Variants in ELL3 observed in about 807,000 individuals in gnomAD.
ELL3 encodes the protein RNA polymerase II elongation factor ELL3.
In ELL3, 48 loss-of-function variants were observed where a neutral mutation model predicts 58.5. The observed-to-expected ratio is 0.82, with a 90% CI of 0.65 to 1.04. ELL3 has a LOEUF of 1.04. Ranked by LOEUF, ELL3 falls within the 50% of genes least tolerant of loss-of-function variation. The pLI is 0.00. For synonymous variants in ELL3, 174 were observed against 173.2 expected, an observed-to-expected ratio of 1.00 and a Z score of -0.04; for missense variants, 458 against 478.4, an observed-to-expected ratio of 0.96 and a Z score of 0.40.
rs775033636 is a variant in ELL3, at chr15:43,776,858, C to T, written c.44G>A (p.Cys15Tyr). 6.2e-7 allele frequency: 1 copy of T among 1,611,946 alleles called. No homozygotes were observed. Among genetic ancestry groups the T allele is most frequent in the Non-Finnish European group, 8.5e-7 (1 of 1,179,614 alleles). The change falls in exon 1 of 11, where the codon TGC becomes TAC. Residue 15 changes from cysteine (C) to tyrosine (Y), a missense_variant. Transcript: ENST00000319359. The part of the protein sequence containing the change: ...QEPLRGQLRL[C>Y]FTQAARTSLL... Reference sequence around the variant, plus strand: ...GCTAGTCCGGGCAGCTTGCGTGAAGCAGAGCCGGAGCTGTCCTCTCAGAGG... The same window carrying T: ...GCTAGTCCGGGCAGCTTGCGTGAAGTAGAGCCGGAGCTGTCCTCTCAGAGG...
In ELL3 at chr15:43,773,018, A is replaced by G. The variant is rs1331531544; in HGVS notation, c.*98T>C. The G allele has an allele frequency of 8.6e-7, 1 of 1,159,920 alleles. No homozygotes were observed. The highest frequency in any genetic ancestry group is 2.3e-5 in the Admixed American group (1 of 42,984). The allele number at this position is 1,159,920 out of a possible 1,614,324, so 71.9% of individuals were successfully genotyped here. A position where few individuals can be genotyped will look rare whatever the true frequency, so the allele number is the denominator to read the frequency against. On this transcript the variant is annotated 3_prime_UTR_variant, in exon 11 of 11. Transcript: ENST00000319359. ...CTTGCCACCATGGACTCCAGTGGTC[A>G]GCATAAGAAAAGCAGATAGTTGCAT... is the stretch of plus-strand genomic sequence containing the variant.
At position 43,775,314 on chromosome 15, in the gene ELL3, G is replaced by A; in HGVS notation, c.637C>T (p.Leu213=). The A allele has an allele frequency of 6.2e-7, 1 of 1,611,946 alleles. No individual in the cohort carries two copies. The highest frequency in any genetic ancestry group is 8.5e-7 in the Non-Finnish European group (1 of 1,178,508). ...TTGCCATTCTAACTTACCTTGTCCA[G>A]ACGTTTCCGGCTGGCAGAGGAAGGC... ...ALPSSASRKR[L]DKKRSVPVAT... is the part of the protein sequence containing the mutation. The change falls in exon 6 of 11, where the codon CTG becomes TTG. Residue 213 remains leucine, a synonymous_variant. Coordinates refer to ENST00000319359, the MANE Select transcript of ELL3 (RefSeq NM_025165.3).
At chr15:43,773,417 C>T in intron 9 of ELL3, 69 bp from the exon 10 acceptor site, 1 of 1,559,772 alleles carries the variant, frequency 6.4e-7, no homozygotes. Context: ...GGCATGGTGG[C>T]TCACGCCTGT....
rs1409107523 is a variant in ELL3 at position 43,774,253 on chromosome 15, T to A, written c.967A>T (p.Thr323Ser). The part of the protein sequence containing the change: ...EYRILHARVG[T>S]ASQRFIELGA... ...AGCTCTATGAACCTTTGGCTTGCAG[T>A]CCCAACACGGGCATGCAGGATGCGG... Residue 323 changes from threonine (T) to serine (S), a missense_variant, in exon 9 of 11, where the codon ACT becomes TCT. Coordinates refer to ENST00000319359, the MANE Select transcript of ELL3 (RefSeq NM_025165.3). The A allele has an allele frequency of 6.2e-7, 1 of 1,614,124 alleles. No homozygotes were observed. Among genetic ancestry groups the A allele is most frequent in the Admixed American group, 1.7e-5 (1 of 60,008 alleles).
Position 43,774,345 on chromosome 15 carries a change from C to T in ELL3, c.875G>A (p.Arg292Lys), listed in dbSNP as rs1422578773. 1.2e-6 allele frequency: 2 copies of T among 1,614,140 alleles called. No homozygotes were observed. The highest frequency in any genetic ancestry group is 1.3e-5 in the African/African-American group (1 of 75,042). Residue 292 changes from arginine (R) to lysine (K), a missense_variant, in exon 9 of 11, where the codon AGG becomes AAG. By Grantham distance (26) the Arg-to-Lys change is conservative (BLOSUM62 2). Transcript: ENST00000319359. Reference sequence around the variant, plus strand: ...TTGCTGTTCTGCACTGTGGATGGCCCTGTATTGCCTGCCAGGAGCAGAGAG... The same window carrying T: ...TTGCTGTTCTGCACTGTGGATGGCCTTGTATTGCCTGCCAGGAGCAGAGAG... Reference protein sequence around the residue: ...EDIPDYLLQYRAIHSAEQQHA... With the variant: ...EDIPDYLLQYKAIHSAEQQHA...
chr15:43,775,138 C>T (rs1345707400), intron 6 of ELL3, among the ~76,000 whole-genome samples, 168 bp downstream of exon 6: 1 of 152,056 alleles, frequency 6.6e-6, no homozygotes, highest in East Asian at 1.9e-4. Flanking sequence ...GCCCAGGAGT[C>T]TCCAGCCTGG....
chr15:43,776,588 A>T, intron 1 of ELL3, 44 bp from the exon 2 acceptor site: 1 of 1,558,486 alleles, frequency 6.4e-7, no homozygotes, highest in Non-Finnish European at 8.7e-7. Context: ...CAGGTGAAGC[A>T]GTGTCCCCAG....
Position 43,774,317 on chromosome 15 carries a change from A to T in ELL3, c.903T>A (p.His301Gln), listed in dbSNP as rs772757060. 15 of 1,614,088 alleles carry T rather than the reference A, an allele frequency of 9.3e-6. No homozygotes were observed. The highest frequency in any genetic ancestry group is 1.3e-5 in the Non-Finnish European group (15 of 1,180,050). Residue 301 changes from histidine to glutamine, a missense_variant, in exon 9 of 11, where the codon CAT becomes CAA. Physicochemically the swap from His to Gln is conservative, Grantham distance 24. Transcript: ENST00000319359. Reference sequence around the variant, plus strand: ...CTGTCTCAAAGTCCTGCTCATAGGCATGTTGCTGTTCTGCACTGTGGATGG... The same window carrying T: ...CTGTCTCAAAGTCCTGCTCATAGGCTTGTTGCTGTTCTGCACTGTGGATGG... Reference protein sequence around the residue: ...YRAIHSAEQQHAYEQDFETDY... With the variant: ...YRAIHSAEQQQAYEQDFETDY...
intron 6 of ELL3, 65 bp downstream of exon 6, chr15:43,775,241 T>C: frequency 6.8e-7 from 1 of 1,466,468 alleles, no homozygotes; most frequent in South Asian, 1.3e-5. Context: ...CTTTTCAAAA[T>C]AGTCTTTGCC....
chr15:43,775,105 G>GA (rs576043452), intron 6 of ELL3, among the ~76,000 whole-genome samples: 72 of 143,196 alleles, frequency 5.0e-4, no homozygotes, highest in Non-Finnish European at 6.9e-4. Context: ...GTGAGAATAA[G>GA]AAAAAAAAAA....
In ELL3 at chr15:43,773,873, A is replaced by T. The variant is rs373416557; in HGVS notation, c.1038+309T>A. 3.0e-4 allele frequency among the ~76,000 whole-genome samples: 46 copies of T among 152,222 alleles called. No individual in the cohort carries two copies. In the East Asian group the frequency reaches 8.5e-3, roughly 28 times the overall value. On this transcript the variant is annotated intron_variant, in intron 9 of 10. Coordinates refer to ENST00000319359, the MANE Select transcript of ELL3 (RefSeq NM_025165.3). The stretch of plus-strand genomic sequence containing the variant: ...AAAAAGTGGCTGGGCATGGTGGCAC[A>T]TACCTATAATCCCAGCTATTCGGAA...
At chr15:43,776,598 G>A in intron 1 of ELL3, 54 bp from the exon 2 acceptor site, 1 of 1,554,280 alleles carries the variant, frequency 6.4e-7, no homozygotes, top group South Asian at 1.2e-5. Context: ...AGTGTCCCCA[G>A]GATCCGGCGT....
rs769387331 is a variant in ELL3 at position 43,774,205 on chromosome 15, G to T, written c.1015C>A (p.Arg339=). The change falls in exon 9 of 11, where the codon CGG becomes AGG. Residue 339 remains arginine, a synonymous_variant. Coordinates refer to ENST00000319359, the MANE Select transcript of ELL3 (RefSeq NM_025165.3). The part of the protein sequence containing the change: ...IELGAEIKRV[R]RGTPEYKVLE... ...ACCTTGTATTCTGGAGTTCCTCGCC[G>T]AACTCTTTTAATCTCTGCTCCCAGC... 4 of 1,614,016 alleles carry T rather than the reference G, an allele frequency of 2.5e-6. No individual in the cohort carries two copies. The highest frequency in any genetic ancestry group is 1.7e-5 in the Admixed American group (1 of 59,982).
Position 43,773,156 on chromosome 15 carries a change from C to A in ELL3, c.1154G>T (p.Gly385Val). Reference sequence around the variant, plus strand: ...CTTTTCCTCAAACTCCAGGATGAGACCTTTAATGTGGGACAATTTCTGGTG... The same window carrying A: ...CTTTTCCTCAAACTCCAGGATGAGAACTTTAATGTGGGACAATTTCTGGTG... The part of the protein sequence containing the change: ...YLHQKLSHIK[G>V]LILEFEEKNR... The change falls in exon 11 of 11, where the codon GGT becomes GTT. Residue 385 changes from glycine to valine, a missense_variant. Coordinates refer to ENST00000319359, the MANE Select transcript of ELL3 (RefSeq NM_025165.3). 1 of 1,613,728 alleles carries A rather than the reference C, an allele frequency of 6.2e-7. No individual in the cohort carries two copies. Among genetic ancestry groups the A allele is most frequent in the Non-Finnish European group, 8.5e-7 (1 of 1,179,932 alleles).
chr15:43,776,655 G>A (rs2086920306), intron 1 of ELL3, 111 bp from the exon 2 acceptor site: 1 of 1,546,614 alleles, frequency 6.5e-7, no homozygotes. Flanking sequence ...TGGAGAGGTG[G>A]GGAGGCCAGA....
In ELL3 at chr15:43,772,972, A is replaced by G. The variant is rs1246685038; in HGVS notation, c.*144T>C. 1 of 739,724 alleles carries G rather than the reference A, an allele frequency of 1.4e-6. No individual in the cohort carries two copies. Among genetic ancestry groups the G allele is most frequent in the Admixed American group, 3.0e-5 (1 of 33,710 alleles). The allele number at this position is 739,724 out of a possible 1,614,324, so 45.8% of individuals were successfully genotyped here. A position where few individuals can be genotyped will look rare whatever the true frequency, so the allele number is the denominator to read the frequency against. On this transcript the variant is annotated 3_prime_UTR_variant, in exon 11 of 11. Coordinates refer to ENST00000319359, the MANE Select transcript of ELL3 (RefSeq NM_025165.3). ...AATTAATAATGAAAACCAAACCTCAAGAACCTAGAGCAGCTCTCTACTTGC... is the reference window on the plus strand; with the variant it reads ...AATTAATAATGAAAACCAAACCTCAGGAACCTAGAGCAGCTCTCTACTTGC...
Position 43,776,751 on chromosome 15 carries a change from A to C in ELL3, c.132+19T>G, listed in dbSNP as rs1285317882. The C allele has an allele frequency of 3.1e-6, 5 of 1,594,824 alleles. No homozygotes were observed. Among genetic ancestry groups the C allele is most frequent in the Non-Finnish European group, 4.3e-6 (5 of 1,167,936 alleles). On this transcript the variant is annotated intron_variant, in intron 1 of 10. Transcript: ENST00000319359. ...GGTCCCTAGGGGCAGTGACTAGAGAAGAAGGGGGCCGGCCGTACCTGTTGC... is the reference window on the plus strand; with the variant it reads ...GGTCCCTAGGGGCAGTGACTAGAGACGAAGGGGGCCGGCCGTACCTGTTGC...
In ELL3 at chr15:43,774,527, G is replaced by C. The variant is rs777120525; in HGVS notation, c.824-9C>G. ...ACTTGGGGATTCAGAATCTAGGAAGGAAGCAAGAAAACACAAGTGATTATA... is the reference window on the plus strand; with the variant it reads ...ACTTGGGGATTCAGAATCTAGGAAGCAAGCAAGAAAACACAAGTGATTATA... On this transcript the variant is annotated splice_polypyrimidine_tract_variant and intron_variant, in intron 7 of 10. Transcript: ENST00000319359. 6.2e-7 allele frequency: 1 copy of C among 1,614,144 alleles called. No homozygotes were observed.
At chr15:43,775,170 TA>T (rs1421757424) in intron 6 of ELL3, 135 bp downstream of exon 6, 17 of 824,690 alleles carry the variant, frequency 2.1e-5, no homozygotes, top group Non-Finnish European at 2.6e-5. Context: ...ACCTTGTCTC[TA>T]AAAAAATTCC....
Sources: gnomAD v4.1 joint callset for allele counts (sites outside exome capture counted in the v4.1 genomes callset) on GRCh38, gnomAD v4.1.1 for gene constraint, MANE v1.5 for transcripts, NCBI Gene and HGNC (gene_info 2026-07-23, HGNC 2026-07-21) for gene names.